Variants in DOCK8 observed in about 807,000 individuals in gnomAD.
DOCK8 encodes the protein dedicator of cytokinesis 8, also known as dedicator of cytokinesis protein 8.
In DOCK8, 141 loss-of-function variants were observed where a neutral mutation model predicts 245.6. The ratio of observed to expected loss-of-function variants is 0.57; its 90% confidence interval spans 0.50 to 0.66. The LOEUF is 0.66. Ranked by LOEUF, DOCK8 falls within the 30% of genes least tolerant of loss-of-function variation. The pLI is 0.00. For synonymous variants in DOCK8, 1,168 were observed against 970.2 expected (o/e 1.20, Z -3.79); for missense variants, 2,965 against 2,603.4 (o/e 1.14, Z -3.02).
intron 23 of DOCK8, among the ~76,000 whole-genome samples, chr9:388,017 G>T (rs773452812): frequency 6.6e-6 from 1 of 152,156 alleles, no homozygotes; most frequent in African/African-American, 2.4e-5. Flanking sequence ...AGAGCAAGGT[G>T]TTCTTGTAAT....
chr9:231,255 G>A (rs1818743604), intron 1 of DOCK8, among the ~76,000 whole-genome samples: 1 of 152,028 alleles, frequency 6.6e-6, no homozygotes, highest in Non-Finnish European at 1.5e-5. Context: ...TGTTCCATTG[G>A]TCTGTATCTC....
intron 28 of DOCK8, among the ~76,000 whole-genome samples, chr9:413,512 T>A (rs2055851026): frequency 6.6e-6 from 1 of 152,124 alleles, no homozygotes; most frequent in Non-Finnish European, 1.5e-5. Context: ...AAAAACCTAA[T>A]AGGGGACTTG....
chr9:226,543 G>C (rs921207555), intron 1 of DOCK8, among the ~76,000 whole-genome samples: 3 of 152,170 alleles, frequency 2.0e-5, no homozygotes, highest in African/African-American at 7.2e-5. Flanking sequence ...GCAGAGCTGA[G>C]AAGGAGAGAA....
At chr9:405,307 A>G (rs2055361454) in intron 27 of DOCK8, among the ~76,000 whole-genome samples, 1 of 152,226 alleles carries the variant, frequency 6.6e-6, no homozygotes, top group South Asian at 2.1e-4. Context: ...AGTAAAGCCA[A>G]GAATCCAATA....
intron 15 of DOCK8, chr9:368,947 C>G (rs530316396): frequency 1.0e-4 from 15 of 150,216 alleles, no homozygotes; most frequent in African/African-American, 3.7e-4. Flanking sequence ...GCTGGGATTA[C>G]AGGCGCGTGC....
intron 5 of DOCK8, among the ~76,000 whole-genome samples, chr9:307,883 C>T (rs1056431499): frequency 3.3e-5 from 5 of 152,020 alleles, no homozygotes; most frequent in African/African-American, 1.2e-4. Context: ...ACTATTCAGC[C>T]ATAAAAAAAT....
intron 6 of DOCK8, among the ~76,000 whole-genome samples, chr9:313,820 A>T (rs748893236): frequency 6.6e-6 from 1 of 152,236 alleles, no homozygotes; most frequent in African/African-American, 2.4e-5. Context: ...GCTTGATTTA[A>T]TCTTTCTACA....
At chr9:379,652 C>G (rs949567271) in intron 20 of DOCK8, 119 bp from the exon 21 acceptor site, 4 of 1,118,700 alleles carry the variant, frequency 3.6e-6, no homozygotes, top group African/African-American at 1.5e-5. Context: ...TCTACCCTTC[C>G]CAGGCCTAGT....
chr9:434,256 A>G (rs949415960), intron 38 of DOCK8, among the ~76,000 whole-genome samples: 1 of 152,224 alleles, frequency 6.6e-6, no homozygotes, highest in African/African-American at 2.4e-5. Flanking sequence ...CAGAGAAAGA[A>G]TAATTAACTG....
At chr9:388,570 A>G (rs111710186) in intron 23 of DOCK8, among the ~76,000 whole-genome samples, 4,851 of 148,060 alleles carry the variant, frequency 0.033, 236 homozygotes, top group African/African-American at 0.12. Context: ...TTTTTTTTTG[A>G]AACAGAGTCT....
At chr9:337,452 T>C (rs564006057) in intron 12 of DOCK8, among the ~76,000 whole-genome samples, 2 of 152,232 alleles carry the variant, frequency 1.3e-5, no homozygotes, top group African/African-American at 4.8e-5. Flanking sequence ...TCTTGGCCAA[T>C]CCATTCATTA....
At chr9:431,917 A>G (rs1187678911) in intron 36 of DOCK8, among the ~76,000 whole-genome samples, 2 of 152,230 alleles carry the variant, frequency 1.3e-5, no homozygotes, top group Non-Finnish European at 2.9e-5. Flanking sequence ...AAGGCAGCCC[A>G]GTCCTCAATG....
At chr9:241,071 T>A (rs2047364076) in intron 1 of DOCK8, among the ~76,000 whole-genome samples, 1 of 151,938 alleles carries the variant, frequency 6.6e-6, no homozygotes, top group Admixed American at 6.5e-5. Flanking sequence ...ATTACAAAAC[T>A]AGCAAATTGT....
intron 25 of DOCK8, among the ~76,000 whole-genome samples, chr9:398,529 C>A (rs2054571632): frequency 6.6e-6 from 1 of 152,132 alleles, no homozygotes; most frequent in South Asian, 2.1e-4. Flanking sequence ...TAAACAGGAG[C>A]ACTGAGAAAT....
intron 14 of DOCK8, among the ~76,000 whole-genome samples, chr9:349,547 C>G (rs964046265): frequency 3.3e-5 from 5 of 152,158 alleles, no homozygotes. Flanking sequence ...CTTATCTTTC[C>G]CTAGAATTAC....
upstream of DOCK8, chr9:214,685 CGCGCCGTCTG>C: frequency 1.3e-6 from 2 of 1,579,218 alleles, no homozygotes; most frequent in Non-Finnish European, 8.6e-7. Flanking sequence ...CCGGGCAGAG[CGCGCCGTCTG>C]CCCCAGTATC....
intron 26 of DOCK8, among the ~76,000 whole-genome samples, chr9:404,408 A>G (rs985626997): frequency 6.6e-6 from 1 of 152,086 alleles, no homozygotes; most frequent in South Asian, 2.1e-4. Context: ...GTACTTTGCT[A>G]AACAGTTTGA....
rs370517330 is a variant in DOCK8 at position 336,562 on chromosome 9, G to A, written c.1286-20G>A. On this transcript the variant is annotated intron_variant, in intron 11 of 47. Transcript: ENST00000432829. ...TGAACAGAAAGGCATACTTTGGAGTGACAATTGTTTTTCTTAAAGGGAGAA... is the reference window on the plus strand; with the variant it reads ...TGAACAGAAAGGCATACTTTGGAGTAACAATTGTTTTTCTTAAAGGGAGAA... The A allele has an allele frequency of 1.1e-5, 18 of 1,613,854 alleles. No individual in the cohort carries two copies. The African/African-American group carries it at 2.3e-4, about 20-fold the overall frequency.
intron 14 of DOCK8, among the ~76,000 whole-genome samples, chr9:367,704 T>A (rs531851080): frequency 6.6e-6 from 1 of 152,358 alleles, no homozygotes; most frequent in East Asian, 1.9e-4. Context: ...CTTTTTTGCC[T>A]TCTTTATCTG....
Sources: allele counts gnomAD v4.1 joint callset (sites outside exome capture counted in the v4.1 genomes callset), GRCh38; gene constraint gnomAD v4.1.1; transcripts MANE v1.5; gene names NCBI Gene and HGNC (gene_info 2026-07-23, HGNC 2026-07-21).